The following MAN1A1 variants were observed in gnomAD, a reference collection of about 807,000 sequenced individuals.
The protein encoded by MAN1A1 is mannosyl-oligosaccharide 1,2-alpha-mannosidase IA.
MAN1A1 carries 29 observed loss-of-function variants against 70.8 expected under a neutral mutation model. That is an observed-to-expected ratio of 0.41 (90% confidence interval 0.31 to 0.56). The LOEUF is 0.56. Among genes scored for constraint, MAN1A1 ranks in the 20% least tolerant of loss-of-function variants. The pLI is 0.29. For missense variants in MAN1A1, 747 were observed against 841.3 expected, an observed-to-expected ratio of 0.89 and a Z score of 1.39; for synonymous variants, 349 against 330.1, an observed-to-expected ratio of 1.06 and a Z score of -0.62.
chr6:119,290,665 T>C lies in MAN1A1; in HGVS notation c.897+18A>G, dbSNP rs964681526. 5 of 1,577,946 alleles carry C rather than the reference T, an allele frequency of 3.2e-6. No homozygotes were observed. Among genetic ancestry groups the C allele is most frequent in the Non-Finnish European group, 4.3e-6 (5 of 1,152,802 alleles). On this transcript the variant is annotated intron_variant, in intron 5 of 12. Coordinates refer to ENST00000368468, the MANE Select transcript of MAN1A1 (RefSeq NM_005907.4). The stretch of plus-strand genomic sequence containing the variant: ...AGACACTTTATAATTCACATTTATA[T>C]ACCACTTTTCATCTTACCTCTTCTC...
At chr6:119,202,471 T>TA (rs951690476) in intron 7 of MAN1A1, among the ~76,000 whole-genome samples, 14 of 150,756 alleles carry the variant, frequency 9.3e-5, no homozygotes, top group Non-Finnish European at 1.9e-4. Flanking sequence ...AGAGCTAACT[T>TA]AAAAAAAAAG....
intron 11 of MAN1A1, among the ~76,000 whole-genome samples, chr6:119,185,865 T>TTTTTTTTTTTTTTTTTA (rs1562181633): frequency 7.6e-6 from 1 of 132,340 alleles, no homozygotes. Context: ...TTTTTTTTTT[T>TTTTTTTTTTTTTTTTTA]AAATATAAAT....
At chr6:119,193,632 T>C in intron 9 of MAN1A1, 145 bp downstream of exon 9, 1 of 512,232 alleles carries the variant, frequency 2.0e-6, no homozygotes, top group South Asian at 3.3e-5. Flanking sequence ...ATTATTACGA[T>C]GATATTAGCA....
intron 5 of MAN1A1, among the ~76,000 whole-genome samples, chr6:119,259,439 T>A (rs1400206409): frequency 1.3e-5 from 2 of 152,230 alleles, no homozygotes; most frequent in Non-Finnish European, 2.9e-5. Context: ...TACCTATGTA[T>A]ACAGGTTTTG....
At chr6:119,221,262 T>C (rs758590495) in intron 6 of MAN1A1, among the ~76,000 whole-genome samples, 1 of 152,080 alleles carries the variant, frequency 6.6e-6, no homozygotes, top group Non-Finnish European at 1.5e-5. Context: ...TAACCACAAA[T>C]TTTACTTCCA....
At chr6:119,226,870 C>A (rs892290074) in intron 6 of MAN1A1, among the ~76,000 whole-genome samples, 3 of 151,878 alleles carry the variant, frequency 2.0e-5, no homozygotes, top group Non-Finnish European at 2.9e-5. Flanking sequence ...CAGAGTTTTG[C>A]CATGTTGCCC....
chr6:119,196,381 T>C (rs1015705558), intron 8 of MAN1A1, among the ~76,000 whole-genome samples: 7 of 151,630 alleles, frequency 4.6e-5, no homozygotes, highest in Non-Finnish European at 1.0e-4. Context: ...TTCTCATTAA[T>C]TTAGCATGTC....
intron 12 of MAN1A1, 119 bp from the exon 13 acceptor site, chr6:119,180,064 A>C (rs1280524183): frequency 3.7e-6 from 4 of 1,090,958 alleles, no homozygotes; most frequent in Admixed American, 2.1e-5. Context: ...CATGGACAAG[A>C]GTCAAATATA....
In MAN1A1 at chr6:119,214,208, C is replaced by T. The variant is rs1774133281; in HGVS notation, c.993-9326G>A. 2.0e-5 allele frequency among the ~76,000 whole-genome samples: 3 copies of T among 152,050 alleles called. No individual in the cohort carries two copies. In the South Asian group the frequency reaches 6.2e-4, roughly 32 times the overall value. ...CTCGAACTCCTGACCTCGTGATCTG[C>T]CCACCTCGGCCTCCCAAAGTGCTGG... is the stretch of plus-strand genomic sequence containing the variant. On this transcript the variant is annotated intron_variant, in intron 6 of 12. Coordinates refer to ENST00000368468, the MANE Select transcript of MAN1A1 (RefSeq NM_005907.4).
At chr6:119,313,456 C>T (rs1772767139) in intron 2 of MAN1A1, among the ~76,000 whole-genome samples, 1 of 152,152 alleles carries the variant, frequency 6.6e-6, no homozygotes, top group African/African-American at 2.4e-5. Context: ...ACATGCTTTG[C>T]TCTTTCAAAT....
Position 119,348,496 on chromosome 6 carries a change from G to A in MAN1A1, c.570C>T (p.Ala190=), listed in dbSNP as rs1315206851. 6.2e-7 allele frequency: 1 copy of A among 1,608,776 alleles called. No individual in the cohort carries two copies. Among genetic ancestry groups the A allele is most frequent in the African/African-American group, 1.3e-5 (1 of 74,882 alleles). Residue 190 remains alanine, a synonymous_variant, in exon 2 of 13, where the codon GCC becomes GCT. Transcript: ENST00000368468. ...IGVESREPAD[A]AIREKRAKIK... is the part of the protein sequence containing the mutation. The stretch of plus-strand genomic sequence containing the variant: ...TCTTTGCCCTTTTCTCGCGGATGGC[G>A]GCGTCGGCGGGCTCCCGGCTCTCCA...
intron 4 of MAN1A1, among the ~76,000 whole-genome samples, chr6:119,291,511 A>T (rs560874992): frequency 7.2e-6 from 1 of 137,962 alleles, no homozygotes; most frequent in Non-Finnish European, 1.6e-5. Flanking sequence ...TTGTGTAAAC[A>T]TAATGGGGCC....
chr6:119,303,797 T>C (rs1772458844), intron 3 of MAN1A1, among the ~76,000 whole-genome samples: 2 of 152,174 alleles, frequency 1.3e-5, no homozygotes, highest in African/African-American at 4.8e-5. Context: ...ATGCAGATCT[T>C]ATACTCAGGC....
intron 2 of MAN1A1, among the ~76,000 whole-genome samples, chr6:119,346,757 C>T (rs1773739992): frequency 1.3e-5 from 2 of 152,186 alleles, no homozygotes; most frequent in Admixed American, 6.5e-5. Context: ...AAATCTTTTC[C>T]TCGGACAACT....
intron 9 of MAN1A1, among the ~76,000 whole-genome samples, chr6:119,193,252 A>G (rs1773487296): frequency 6.6e-6 from 1 of 152,036 alleles, no homozygotes; most frequent in African/African-American, 2.4e-5. Context: ...TCAACACTCA[A>G]CTGTTGCCTC....
chr6:119,207,870 T>A (rs188062624), intron 6 of MAN1A1, among the ~76,000 whole-genome samples: 118 of 152,300 alleles, frequency 7.7e-4, no homozygotes, highest in African/African-American at 2.7e-3. Flanking sequence ...AAGGTGAGGC[T>A]GGGCCAAAAA....
At chr6:119,205,477 A>G (rs1163597002) in intron 6 of MAN1A1, among the ~76,000 whole-genome samples, 1 of 152,220 alleles carries the variant, frequency 6.6e-6, no homozygotes, top group South Asian at 2.1e-4. Context: ...TGTACTCTAT[A>G]TAACCTATGA....
At chr6:119,232,685 GTGTGTGTGT>G (rs1774720180) in intron 6 of MAN1A1, among the ~76,000 whole-genome samples, 3 of 55,086 alleles carry the variant, frequency 5.4e-5, no homozygotes, top group Non-Finnish European at 2.0e-4. Context: ...ATATATGTGT[GTGTGTGTGT>G]GTGTGTGTGT....
At chr6:119,343,749 T>C (rs886493755) in intron 2 of MAN1A1, among the ~76,000 whole-genome samples, 1 of 152,218 alleles carries the variant, frequency 6.6e-6, no homozygotes, top group East Asian at 1.9e-4. Context: ...ACAGTATCTC[T>C]GGAGCCCACA....
Sources: gnomAD v4.1 joint callset for allele counts (sites outside exome capture counted in the v4.1 genomes callset) on GRCh38, gnomAD v4.1.1 for gene constraint, MANE v1.5 for transcripts, NCBI Gene and HGNC (gene_info 2026-07-23, HGNC 2026-07-21) for gene names.